Variants in ZMAT4 observed in about 807,000 individuals in gnomAD.
ZMAT4 encodes the protein zinc finger matrin-type 4.
A neutral mutation model predicts 28.7 loss-of-function variants in ZMAT4; 17 were observed. The observed-to-expected ratio is 0.59, with a 90% confidence interval of 0.41 to 0.89. The LOEUF (loss-of-function observed/expected upper bound fraction) is 0.89, where lower values mean the gene tolerates loss of function less well. Ranked by LOEUF, ZMAT4 falls within the 40% of genes least tolerant of loss-of-function variation. The pLI is 0.00. For synonymous variants in ZMAT4, 117 were observed against 109.2 expected (o/e 1.07, Z -0.44); for missense variants, 240 against 283.8 (o/e 0.85, Z 1.11).
intron 5 of ZMAT4, among the ~76,000 whole-genome samples, chr8:40,583,468 C>T (rs923592063): frequency 2.6e-5 from 4 of 152,130 alleles, no homozygotes; most frequent in African/African-American, 9.7e-5. Flanking sequence ...AAAGTGTTCA[C>T]CTGGCTAATC....
At chr8:40,715,161 G>A (rs370556104) in intron 3 of ZMAT4, among the ~76,000 whole-genome samples, 8 of 151,966 alleles carry the variant, frequency 5.3e-5, no homozygotes, top group Non-Finnish European at 7.4e-5. Flanking sequence ...AACAGCATTC[G>A]AAGTAGAAGG....
intron 5 of ZMAT4, among the ~76,000 whole-genome samples, chr8:40,612,770 C>G (rs1805843818): frequency 7.5e-6 from 1 of 132,930 alleles, no homozygotes; most frequent in Admixed American, 7.6e-5. Flanking sequence ...ATACTTTATT[C>G]AATGGGTTTC....
At chr8:40,619,996 G>A (rs569752911) in intron 5 of ZMAT4, among the ~76,000 whole-genome samples, 4 of 152,150 alleles carry the variant, frequency 2.6e-5, no homozygotes, top group African/African-American at 9.7e-5. Flanking sequence ...AAAATGCACA[G>A]TAGAAACATT....
At chr8:40,822,445 A>C (rs1815864321) in intron 2 of ZMAT4, among the ~76,000 whole-genome samples, 1 of 152,232 alleles carries the variant, frequency 6.6e-6, no homozygotes, top group East Asian at 1.9e-4. Context: ...GTGTGACAGC[A>C]ATTTCAATGA....
chr8:40,652,535 C>T (rs9693730), intron 5 of ZMAT4, among the ~76,000 whole-genome samples: 1 of 38,838 alleles, frequency 2.6e-5, no homozygotes, highest in African/African-American at 7.2e-5. Flanking sequence ...CGATTCCTCA[C>T]GGATCTAGAA....
chr8:40,636,175 T>C (rs1806783795), intron 5 of ZMAT4, among the ~76,000 whole-genome samples: 1 of 152,244 alleles, frequency 6.6e-6, no homozygotes, highest in African/African-American at 2.4e-5. Flanking sequence ...GAAAATGTCT[T>C]AGAAATGTGA....
chr8:40,712,850 C>T (rs1432637950), intron 3 of ZMAT4, among the ~76,000 whole-genome samples: 1 of 152,058 alleles, frequency 6.6e-6, no homozygotes, highest in Non-Finnish European at 1.5e-5. Context: ...CATAATGGCA[C>T]TAAAGAAAGG....
intron 6 of ZMAT4, among the ~76,000 whole-genome samples, chr8:40,565,652 A>G (rs148648699): frequency 6.6e-6 from 1 of 151,952 alleles, no homozygotes; most frequent in Non-Finnish European, 1.5e-5. Flanking sequence ...TGCTGGGATT[A>G]CATGTGTGAA....
intron 2 of ZMAT4, among the ~76,000 whole-genome samples, chr8:40,769,255 T>C (rs1432600103): frequency 6.6e-6 from 1 of 151,810 alleles, no homozygotes; most frequent in Non-Finnish European, 1.5e-5. Flanking sequence ...TCATCTGGAG[T>C]TTTTTTTGTT....
intron 6 of ZMAT4, among the ~76,000 whole-genome samples, chr8:40,558,211 G>C (rs1803609402): frequency 6.6e-6 from 1 of 152,170 alleles, no homozygotes. Context: ...AGGGCTCTGG[G>C]AGCCAGCACG....
chr8:40,764,840 A>G (rs1334573178), intron 3 of ZMAT4, among the ~76,000 whole-genome samples: 1 of 152,034 alleles, frequency 6.6e-6, no homozygotes, highest in African/African-American at 2.4e-5. Context: ...TATTATTATT[A>G]TTATTTTTAG....
At position 40,812,943 on chromosome 8, in the gene ZMAT4, AT is replaced by A. The variant is rs1815383698; in HGVS notation, c.102+12631del. On this transcript the variant is annotated intron_variant, in intron 2 of 6. Transcript: ENST00000297737. The stretch of plus-strand genomic sequence containing the variant: ...AGCAAAACTCCATCTCAAAAATTAA[AT>A]TAAATTAAATTAAATTAAATTAAAT... Among the ~76,000 whole-genome samples, 8 of 46,318 alleles carry A rather than the reference AT, an allele frequency of 1.7e-4. 1 individual carries two copies. In the Admixed American group the frequency reaches 1.9e-3, roughly 11 times the overall value. 30.4% of individuals were successfully genotyped at this position (46,318 alleles called of 152,430 possible). A position where few individuals can be genotyped will look rare whatever the true frequency, so the allele number is the denominator to read the frequency against.
intron 3 of ZMAT4, among the ~76,000 whole-genome samples, chr8:40,712,285 A>G (rs1365054099): frequency 7.9e-5 from 12 of 152,206 alleles, no homozygotes. Context: ...CAAAAACTAT[A>G]TTTAAGAATA....
intron 5 of ZMAT4, among the ~76,000 whole-genome samples, chr8:40,616,297 A>G (rs2118675331): frequency 6.6e-6 from 1 of 152,332 alleles, no homozygotes; most frequent in African/African-American, 2.4e-5. Flanking sequence ...GGGACTGTAA[A>G]CTAGTTCAAC....
intron 5 of ZMAT4, among the ~76,000 whole-genome samples, chr8:40,631,920 G>A (rs906312439): frequency 1.8e-4 from 27 of 152,128 alleles, no homozygotes; most frequent in African/African-American, 7.2e-5. Context: ...ATACTCAGAC[G>A]AAACCTCTCA....
intron 5 of ZMAT4, among the ~76,000 whole-genome samples, chr8:40,637,403 G>A (rs1332366758): frequency 6.6e-6 from 1 of 152,056 alleles, no homozygotes; most frequent in Admixed American, 6.6e-5. Flanking sequence ...AGCAAATGTG[G>A]GATTTCTAAA....
At chr8:40,868,732 G>A (rs889835110) in intron 1 of ZMAT4, among the ~76,000 whole-genome samples, 1 of 152,156 alleles carries the variant, frequency 6.6e-6, no homozygotes, top group Non-Finnish European at 1.5e-5. Flanking sequence ...GATCTCTAAT[G>A]CTGCATTCTT....
intron 5 of ZMAT4, among the ~76,000 whole-genome samples, chr8:40,618,329 T>C (rs1028292561): frequency 6.6e-6 from 1 of 152,212 alleles, no homozygotes; most frequent in Non-Finnish European, 1.5e-5. Context: ...CTGGTATTTA[T>C]CTTCCACATC....
In ZMAT4 at chr8:40,825,665, G is replaced by A. The variant is rs766641506; in HGVS notation, c.12C>T (p.Ser4=). ...CTGTGAATAAATCCTGATCAATATC[G>A]GAGGACTTCATCAGGCTACAAGAGA... MKS[S]DIDQDLFTDS... Residue 4 remains serine (S), a synonymous_variant, in exon 2 of 7, where the codon TCC becomes TCT. Transcript: ENST00000297737. 19 of 1,553,800 alleles carry A rather than the reference G, an allele frequency of 1.2e-5. No homozygotes were observed. The Admixed American group carries it at 1.8e-4, about 14-fold the overall frequency.
Sources: allele counts gnomAD v4.1 joint callset (sites outside exome capture counted in the v4.1 genomes callset), GRCh38; gene constraint gnomAD v4.1.1; transcripts MANE v1.5; gene names NCBI Gene and HGNC (gene_info 2026-07-23, HGNC 2026-07-21).